CFAP74: variants seen among roughly 807,000 people sequenced by gnomAD.
CFAP74 encodes cilia- and flagella-associated protein 74.
In CFAP74, 124 loss-of-function variants were observed where a neutral mutation model predicts 188.9. That is an observed-to-expected ratio of 0.66 (90% CI 0.57 to 0.76). CFAP74 has a LOEUF of 0.76. Among genes scored for constraint, CFAP74 ranks in the 30% least tolerant of loss-of-function variants. CFAP74 has a pLI of 0.00. For synonymous variants in CFAP74, 956 were observed against 916.7 expected, an observed-to-expected ratio of 1.04 and a Z score of -0.77; for missense variants, 2,198 against 2,165.2, an observed-to-expected ratio of 1.02 and a Z score of -0.30.
intron 33 of CFAP74, among the ~76,000 whole-genome samples, chr1:1,925,369 C>T (rs1407168316): frequency 3.3e-5 from 5 of 150,584 alleles, no homozygotes; most frequent in Admixed American, 1.3e-4. Context: ...CAGGGCAGTG[C>T]GAGGCATGAG....
intron 1 of CFAP74, among the ~76,000 whole-genome samples, chr1:1,992,598 C>T (rs562660520): frequency 7.9e-5 from 12 of 151,958 alleles, no homozygotes; most frequent in South Asian, 2.1e-4. Flanking sequence ...CTCAGCCTCC[C>T]GAGTAGCTGG....
chr1:1,970,847 A>G (rs1327887246), intron 9 of CFAP74, 31 bp from the exon 10 acceptor site: 1 of 1,611,788 alleles, frequency 6.2e-7, no homozygotes, highest in Non-Finnish European at 8.5e-7. Flanking sequence ...AGATGACAGC[A>G]GCAGCACCCA....
chr1:1,922,365 C>T lies in CFAP74; in HGVS notation c.4842G>A (p.Ser1614=), dbSNP rs563374059. The change falls in exon 39 of 39, where the codon TCG becomes TCA. Residue 1614 remains serine (S), a synonymous_variant. Transcript: ENST00000682832. ...CATCCCCCCTTAGCTGCAGCAGGGC[C>T]GACACCATGAGTGGGTGGTCTGGCT... ...DFDPDHPLMV[S]ALLQLRGDVK... The T allele has an allele frequency of 6.2e-6, 10 of 1,600,446 alleles. No homozygotes were observed. The East Asian group carries it at 1.1e-4, about 18-fold the overall frequency.
intron 18 of CFAP74, among the ~76,000 whole-genome samples, chr1:1,949,564 T>TG (rs35875775): frequency 0.82 from 125,017 of 151,752 alleles, 51,637 homozygotes; most frequent in East Asian, 0.86. Flanking sequence ...TGGAACTTTC[T>TG]TAAGTTTTGA....
intron 6 of CFAP74, among the ~76,000 whole-genome samples, chr1:1,982,726 C>T (rs549597540): frequency 2.0e-5 from 3 of 152,336 alleles, no homozygotes; most frequent in African/African-American, 4.8e-5. Context: ...TCCGGGCGCT[C>T]GGGGCCGCCT....
intron 1 of CFAP74, among the ~76,000 whole-genome samples, chr1:2,002,841 G>A (rs1658273418): frequency 6.7e-6 from 1 of 150,016 alleles, no homozygotes. Context: ...TTTATATAAA[G>A]TTTAAAATAA....
intron 8 of CFAP74, 97 bp downstream of exon 8, chr1:1,972,840 T>TTAAA (rs1190543222): frequency 1.4e-5 from 12 of 877,732 alleles, no homozygotes; most frequent in Non-Finnish European, 2.0e-5. Flanking sequence ...AGGCTCCATC[T>TTAAA]TAAATAAATA....
intron 24 of CFAP74, among the ~76,000 whole-genome samples, 162 bp downstream of exon 24, chr1:1,939,432 T>C (rs1358998525): frequency 1.3e-5 from 2 of 152,080 alleles, no homozygotes; most frequent in African/African-American, 4.8e-5. Flanking sequence ...CCAGGGCTGG[T>C]GTGCAGGGTG....
intron 3 of CFAP74, 104 bp downstream of exon 3, chr1:1,988,785 T>A: frequency 8.1e-7 from 1 of 1,233,000 alleles, no homozygotes. Context: ...CTACAGCCTG[T>A]GGGAGGGAGG....
intron 9 of CFAP74, among the ~76,000 whole-genome samples, chr1:1,971,359 C>A (rs573174496): frequency 5.4e-5 from 8 of 149,246 alleles, no homozygotes; most frequent in East Asian, 2.3e-4. Context: ...ACATGCACAC[C>A]TGCACACACA....
intron 14 of CFAP74, 90 bp from the exon 15 acceptor site, chr1:1,960,120 C>A: frequency 8.9e-7 from 1 of 1,124,014 alleles, no homozygotes; most frequent in Non-Finnish European, 1.3e-6. Context: ...GGCTGGGCCT[C>A]CTGGCCTCCT....
At chr1:1,949,055 C>G (rs1384546582) in intron 18 of CFAP74, among the ~76,000 whole-genome samples, 4 of 71,314 alleles carry the variant, frequency 5.6e-5, no homozygotes, top group African/African-American at 2.0e-4. Flanking sequence ...TCCCTCCTTT[C>G]CTTCCTTCCT....
intron 6 of CFAP74, among the ~76,000 whole-genome samples, chr1:1,983,013 A>T (rs1657005411): frequency 6.6e-6 from 1 of 152,254 alleles, no homozygotes. Flanking sequence ...GGCAGACACG[A>T]ACGCAGGATG....
intron 6 of CFAP74, among the ~76,000 whole-genome samples, chr1:1,974,921 C>T (rs1037107376): frequency 3.3e-5 from 5 of 152,206 alleles, no homozygotes; most frequent in East Asian, 1.9e-4. Context: ...GCTGGAGAGG[C>T]GGCCTGGAAA....
Position 1,940,366 on chromosome 1 carries a change from T to C in CFAP74, c.2653A>G (p.Lys885Glu). ...LPEDAGRYFD[K>E]ETRVLEAPMT... ...GGGGCCTCCAGGACTCGGGTCTCCT[T>C]GTCAAAATACCTCCCTGCGTCCTCC... is the stretch of plus-strand genomic sequence containing the variant. The change falls in exon 23 of 39, where the codon AAG becomes GAG. Residue 885 changes from lysine to glutamate, a missense_variant. Physicochemically the swap from Lys to Glu is moderately conservative, Grantham distance 56. Transcript: ENST00000682832. The C allele has an allele frequency of 6.5e-7, 1 of 1,535,496 alleles. No individual in the cohort carries two copies. The highest frequency in any genetic ancestry group is 2.0e-5 in the Admixed American group (1 of 50,888).
intron 4 of CFAP74, chr1:1,988,025 C>T (rs1657349934): frequency 2.2e-6 from 1 of 456,852 alleles, no homozygotes; most frequent in Non-Finnish European, 4.5e-6. Flanking sequence ...CTTGCTGCAG[C>T]CTTGACCTCC....
At chr1:1,993,149 C>T (rs551069024) in intron 1 of CFAP74, among the ~76,000 whole-genome samples, 81 of 143,732 alleles carry the variant, frequency 5.6e-4, no homozygotes, top group Admixed American at 6.6e-4. Flanking sequence ...TGCAGTGAGC[C>T]GAGATCACGC....
chr1:1,940,746 G>C (rs933479889), intron 22 of CFAP74, among the ~76,000 whole-genome samples: 1 of 152,202 alleles, frequency 6.6e-6, no homozygotes, highest in African/African-American at 2.4e-5. Context: ...ATCCTAAAAA[G>C]CCCTTTAAAA....
intron 2 of CFAP74, among the ~76,000 whole-genome samples, chr1:1,990,576 T>G (rs971707332): frequency 7.9e-5 from 12 of 152,096 alleles, no homozygotes; most frequent in Non-Finnish European, 1.0e-4. Context: ...CATCAGAGAT[T>G]TTTTAAAAAC....
Sources: allele counts gnomAD v4.1 joint callset (sites outside exome capture counted in the v4.1 genomes callset), GRCh38; gene constraint gnomAD v4.1.1; transcripts MANE v1.5; gene names NCBI Gene and HGNC (gene_info 2026-07-23, HGNC 2026-07-21).